VOPP1: variants seen among roughly 807,000 people sequenced by gnomAD.
VOPP1 encodes WW domain binding protein VOPP1.
Under a neutral mutation model 23.5 loss-of-function variants are expected in VOPP1, and 8 were observed. That is an observed-to-expected ratio of 0.34 (90% CI 0.20 to 0.61). The LOEUF is 0.61. Among genes scored for constraint, VOPP1 ranks in the 20% least tolerant of loss-of-function variants. VOPP1 has a pLI of 0.78. For synonymous variants in VOPP1, 83 were observed against 97.3 expected, an observed-to-expected ratio of 0.85 and a Z score of 0.86; for missense variants, 174 against 238.1, an observed-to-expected ratio of 0.73 and a Z score of 1.77.
At chr7:55,484,551 C>T (rs1394320669) in intron 4 of VOPP1, among the ~76,000 whole-genome samples, 3 of 152,130 alleles carry the variant, frequency 2.0e-5, no homozygotes, top group East Asian at 1.9e-4. Flanking sequence ...GGAGATTATT[C>T]GCACGGGGTG....
intron 4 of VOPP1, among the ~76,000 whole-genome samples, chr7:55,480,131 C>G (rs1192697321): frequency 6.6e-6 from 1 of 152,198 alleles, no homozygotes; most frequent in Non-Finnish European, 1.5e-5. Context: ...AACTTTACAA[C>G]ATGAATACGT....
chr7:55,548,041 G>A (rs532244930), intron 1 of VOPP1, among the ~76,000 whole-genome samples: 36 of 152,276 alleles, frequency 2.4e-4, no homozygotes, highest in South Asian at 2.1e-4. Flanking sequence ...GACCGTGACC[G>A]CAGATTCTGG....
intron 4 of VOPP1, chr7:55,436,284 A>C (rs1023764323): frequency 6.6e-6 from 1 of 152,212 alleles, no homozygotes; most frequent in Non-Finnish European, 1.5e-5. Flanking sequence ...CTCTGAGCTC[A>C]CCTGTTCCCT....
chr7:55,437,008 GGA>G (rs1790847605), intron 4 of VOPP1, among the ~76,000 whole-genome samples: 1 of 152,202 alleles, frequency 6.6e-6, no homozygotes, highest in African/African-American at 2.4e-5. Flanking sequence ...TATTGCCCTA[GGA>G]GAATAAAACG....
chr7:55,492,877 A>T (rs1460864659), intron 3 of VOPP1: 1 of 153,402 alleles, frequency 6.5e-6, no homozygotes, highest in African/African-American at 2.4e-5. Context: ...ACCAAGGCAG[A>T]GCACATTTAT....
chr7:55,529,404 T>C (rs1297322565), intron 1 of VOPP1, among the ~76,000 whole-genome samples: 1 of 147,036 alleles, frequency 6.8e-6, no homozygotes, highest in Non-Finnish European at 1.5e-5. Flanking sequence ...CCTCAATGAG[T>C]GCAAAAGACT....
intron 2 of VOPP1, among the ~76,000 whole-genome samples, chr7:55,519,526 A>G (rs1222088384): frequency 6.7e-6 from 1 of 149,644 alleles, no homozygotes; most frequent in African/African-American, 2.6e-5. Context: ...AAATAGGCGT[A>G]CTGATGAAAA....
At chr7:55,556,099 G>A (rs1797791555) in intron 1 of VOPP1, among the ~76,000 whole-genome samples, 1 of 152,192 alleles carries the variant, frequency 6.6e-6, no homozygotes, top group African/African-American at 2.4e-5. Flanking sequence ...GAAACAGAAA[G>A]CTGCTGCACT....
intron 4 of VOPP1, among the ~76,000 whole-genome samples, chr7:55,449,543 A>G (rs965622611): frequency 1.3e-5 from 2 of 152,180 alleles, no homozygotes; most frequent in Admixed American, 6.5e-5. Flanking sequence ...CGCAGGACAG[A>G]TGGGGAGACG....
intron 1 of VOPP1, among the ~76,000 whole-genome samples, chr7:55,528,043 A>C (rs1411672409): frequency 6.6e-6 from 1 of 152,188 alleles, no homozygotes; most frequent in Non-Finnish European, 1.5e-5. Flanking sequence ...TAATTTCAGC[A>C]AGTTTAAACA....
At chr7:55,469,456 T>C (rs866202326), downstream of VOPP1, among the ~76,000 whole-genome samples, 2 of 152,216 alleles carry the variant, frequency 1.3e-5, no homozygotes, top group Middle Eastern at 3.4e-3. Context: ...CTTTTAAAGG[T>C]GAAAACAGAT....
At chr7:55,452,890 G>A (rs150596101) in intron 4 of VOPP1, among the ~76,000 whole-genome samples, 53 of 152,256 alleles carry the variant, frequency 3.5e-4, no homozygotes, top group African/African-American at 1.2e-3. Flanking sequence ...AATGATAAAC[G>A]AGCACTGGCT....
At chr7:55,535,248 T>G (rs1027173057) in intron 1 of VOPP1, among the ~76,000 whole-genome samples, 5 of 152,238 alleles carry the variant, frequency 3.3e-5, no homozygotes, top group Admixed American at 6.5e-5. Flanking sequence ...CCATTCACTG[T>G]GGGTTTCTCT....
chr7:55,458,701 C>G (rs571896858), intron 4 of VOPP1, among the ~76,000 whole-genome samples: 2 of 152,066 alleles, frequency 1.3e-5, no homozygotes, highest in East Asian at 3.9e-4. Context: ...GCTTTTTCAT[C>G]ATTGATGCAT....
At chr7:55,492,165 GAAT>G in intron 4 of VOPP1, 114 bp downstream of exon 4, 1 of 1,374,644 alleles carries the variant, frequency 7.3e-7, no homozygotes, top group Non-Finnish European at 9.6e-7. Context: ...CTAAAAAAAT[GAAT>G]AACACACCTG....
intron 4 of VOPP1, among the ~76,000 whole-genome samples, chr7:55,486,848 T>A (rs1793179862): frequency 6.6e-6 from 1 of 152,284 alleles, no homozygotes; most frequent in Non-Finnish European, 1.5e-5. Flanking sequence ...GGGCAGGCAA[T>A]GAGTGTGAGA....
intron 1 of VOPP1, 117 bp downstream of exon 1, chr7:55,572,154 C>T: frequency 2.6e-6 from 2 of 766,458 alleles, no homozygotes; most frequent in Non-Finnish European, 1.9e-6. Flanking sequence ...GGCTCCCCGT[C>T]GCTCCACCGT....
intron 2 of VOPP1, among the ~76,000 whole-genome samples, chr7:55,513,849 C>T (rs547825313): frequency 6.9e-4 from 105 of 152,314 alleles, no homozygotes; most frequent in Non-Finnish European, 1.0e-3. Context: ...CATTTCTAAC[C>T]CACCCTCAAT....
At chr7:55,466,605 A>G (rs1310474588), downstream of VOPP1, among the ~76,000 whole-genome samples, 2 of 152,156 alleles carry the variant, frequency 1.3e-5, no homozygotes, top group Non-Finnish European at 2.9e-5. Flanking sequence ...ATTGAGATCC[A>G]GGGGCTGTGG....
Sources: gnomAD v4.1 joint callset for allele counts (sites outside exome capture counted in the v4.1 genomes callset) on GRCh38, gnomAD v4.1.1 for gene constraint, MANE v1.5 for transcripts, NCBI Gene and HGNC (gene_info 2026-07-23, HGNC 2026-07-21) for gene names.